BMP1: variants seen among roughly 807,000 people sequenced by gnomAD.
BMP1 encodes the protein bone morphogenetic protein 1.
BMP1 carries 63 observed loss-of-function variants against 116.8 expected under a neutral mutation model. The ratio of observed to expected loss-of-function variants is 0.54; its 90% CI spans 0.44 to 0.67. The LOEUF is 0.67. Ranked by LOEUF, BMP1 falls within the 30% of genes least tolerant of loss-of-function variation. The pLI, the probability that BMP1 is intolerant of heterozygous loss-of-function variation, is 0.00. For synonymous variants in BMP1, 536 were observed against 533.4 expected, an observed-to-expected ratio of 1.00 and a Z score of -0.07; for missense variants, 1,183 against 1,358.9, an observed-to-expected ratio of 0.87 and a Z score of 2.04.
rs774235911 is a variant in BMP1, at chr8:22,165,550, G to T, written c.145G>T (p.Ala49Ser). 1.3e-6 allele frequency: 2 copies of T among 1,579,180 alleles called. No individual in the cohort carries two copies. Among genetic ancestry groups the T allele is most frequent in the South Asian group, 2.3e-5 (2 of 86,998 alleles). The change falls in exon 1 of 20, where the codon GCG becomes TCG. Residue 49 changes from alanine (A) to serine (S), a missense_variant. By Grantham distance (99) the Ala-to-Ser change is moderately conservative. Transcript: ENST00000306385. The part of the protein sequence containing the change: ...EPLNYKDPCK[A>S]AAFLGDIALD... Reference sequence around the variant, plus strand: ...CCTCAACTACAAAGACCCCTGCAAGGCGGGTGAGCGCCCCCCGGCCCCCCG... The same window carrying T: ...CCTCAACTACAAAGACCCCTGCAAGTCGGGTGAGCGCCCCCCGGCCCCCCG...
At chr8:22,192,172 C>G in intron 9 of BMP1, 21 bp downstream of exon 9, 2 of 1,593,640 alleles carry the variant, frequency 1.3e-6, no homozygotes, top group Non-Finnish European at 1.7e-6. Context: ...CAGCCACCCC[C>G]TGCCCCCTCC....
chr8:22,187,328 A>ATTTATTT (rs1301858228), intron 8 of BMP1, among the ~76,000 whole-genome samples: 7 of 146,008 alleles, frequency 4.8e-5, no homozygotes, highest in African/African-American at 1.8e-4. Context: ...TTAATTAATT[A>ATTTATTT]ATTTATTTAT....
intron 14 of BMP1, 22 bp from the exon 15 acceptor site, chr8:22,197,218 C>T: frequency 1.3e-6 from 2 of 1,598,850 alleles, no homozygotes; most frequent in East Asian, 2.2e-5. Context: ...GGAGGCGGGC[C>T]TGGAGCTGGG....
At chr8:22,175,966 C>T (rs147086849) in intron 2 of BMP1, among the ~76,000 whole-genome samples, 177 bp from the exon 3 acceptor site, 1 of 152,290 alleles carries the variant, frequency 6.6e-6, no homozygotes, top group Non-Finnish European at 1.5e-5. Flanking sequence ...CACTGCTCTG[C>T]AAATGTCCAC....
chr8:22,202,067 C>T (rs1829276827), intron 16 of BMP1, 139 bp downstream of exon 16: 1 of 1,280,658 alleles, frequency 7.8e-7, no homozygotes, highest in Admixed American at 2.8e-5. Flanking sequence ...CCCCCACCCA[C>T]CTGGTACATA....
intron 1 of BMP1, chr8:22,170,946 G>A (rs139893574): frequency 2.0e-5 from 3 of 152,240 alleles, no homozygotes; most frequent in African/African-American, 7.2e-5. Context: ...AGAAAGAAAG[G>A]TATAACACAA....
At chr8:22,183,840 T>C (rs1345826550) in intron 8 of BMP1, among the ~76,000 whole-genome samples, 1 of 151,948 alleles carries the variant, frequency 6.6e-6, no homozygotes, top group Non-Finnish European at 1.5e-5. Flanking sequence ...CCTCCCAGAG[T>C]GCTGGGATTA....
chr8:22,182,199 A>G (rs1828641920), intron 8 of BMP1, among the ~76,000 whole-genome samples: 1 of 152,170 alleles, frequency 6.6e-6, no homozygotes, highest in Non-Finnish European at 1.5e-5. Flanking sequence ...TCGACATCTC[A>G]AGATCATTTT....
At chr8:22,177,688 C>T (rs1342561196) in intron 5 of BMP1, 164 bp from the exon 6 acceptor site, 1 of 767,094 alleles carries the variant, frequency 1.3e-6, no homozygotes, top group African/African-American at 1.7e-5. Context: ...TCCTGAGACC[C>T]TCCCCATTCC....
intron 19 of BMP1, among the ~76,000 whole-genome samples, chr8:22,209,952 G>A (rs78411003): frequency 6.6e-6 from 1 of 152,250 alleles, no homozygotes; most frequent in Admixed American, 6.5e-5. Context: ...ACCCAGGCCT[G>A]CCTCAGAACC....
rs1165457697 is a variant in BMP1 at position 22,177,117 on chromosome 8, C to T, written c.708C>T (p.Ile236=). 10 of 1,608,958 alleles carry T rather than the reference C, an allele frequency of 6.2e-6. No individual in the cohort carries two copies. Among genetic ancestry groups the T allele is most frequent in the Non-Finnish European group, 8.5e-6 (10 of 1,177,046 alleles). ...CAGACCGGGACCGCCACGTTTCCAT[C>T]GTTCGTGAGAACATCCAGCCAGGTA... ...TRPDRDRHVS[I]VRENIQPGQE... is the part of the protein sequence containing the mutation. Residue 236 remains isoleucine (I), a synonymous_variant, in exon 5 of 20, where the codon ATC becomes ATT. Transcript: ENST00000306385.
At chr8:22,192,186 C>T in intron 9 of BMP1, 35 bp downstream of exon 9, 1 of 1,560,904 alleles carries the variant, frequency 6.4e-7, no homozygotes, top group Non-Finnish European at 8.8e-7. Context: ...CCCCTCCATG[C>T]TGATTCCCTC....
At chr8:22,199,116 C>T (rs1829178350) in intron 15 of BMP1, 7 of 1,367,696 alleles carry the variant, frequency 5.1e-6, no homozygotes, top group Non-Finnish European at 6.8e-6. Context: ...CCGCCCCACC[C>T]TCAGCCCTGC....
At chr8:22,195,323 G>A (rs1829050621) in intron 12 of BMP1, 139 bp from the exon 13 acceptor site, 1 of 1,064,504 alleles carries the variant, frequency 9.4e-7, no homozygotes, top group South Asian at 1.7e-5. Context: ...CAGTCCATGT[G>A]CTCTGAAGGA....
rs1829426216 is a variant in BMP1 at position 22,209,666 on chromosome 8, C to G, written c.2797C>G (p.Pro933Ala). The change falls in exon 19 of 20, where the codon CCC becomes GCC. Residue 933 changes from proline (P) to alanine (A), a missense_variant. Transcript: ENST00000306385. ...ELFDGYDSTA[P>A]RLGRYCGSGP... ...CTTCGACGGCTACGACAGCACAGCC[C>G]CCAGGCTGGGGCGCTACTGTGGCTC... 1.9e-6 allele frequency: 3 copies of G among 1,614,068 alleles called. No homozygotes were observed. The highest frequency in any genetic ancestry group is 2.5e-6 in the Non-Finnish European group (3 of 1,179,996).
In BMP1 at chr8:22,192,171, C is replaced by G. The variant is rs1260102897; in HGVS notation, c.1180+20C>G. 3 of 1,593,100 alleles carry G rather than the reference C, an allele frequency of 1.9e-6. No homozygotes were observed. Among genetic ancestry groups the G allele is most frequent in the Admixed American group, 3.3e-5 (2 of 59,922 alleles). On this transcript the variant is annotated intron_variant, in intron 9 of 19. Coordinates refer to ENST00000306385, the MANE Select transcript of BMP1 (RefSeq NM_006129.5). Reference sequence around the variant, plus strand: ...TCCGAGGTAACGGCACCAGCCACCCCCTGCCCCCTCCATGCTGATTCCCTC... The same window carrying G: ...TCCGAGGTAACGGCACCAGCCACCCGCTGCCCCCTCCATGCTGATTCCCTC...
chr8:22,180,514 C>G, intron 8 of BMP1, 31 bp downstream of exon 8: 1 of 1,596,704 alleles, frequency 6.3e-7, no homozygotes, highest in East Asian at 2.2e-5. Flanking sequence ...TGAGCCTCCC[C>G]CTCCCCTGCG....
rs570556904 is a variant in BMP1 at position 22,196,534 on chromosome 8, G to A, written c.1766-146G>A. ...CAGGCCACCCTGCCTCCTCCCGTCC[G>A]CCCCAGAGGGACCAGACACAGGTCC... On this transcript the variant is annotated intron_variant, in intron 13 of 19. Transcript: ENST00000306385. 169 of 1,265,854 alleles carry A rather than the reference G, an allele frequency of 1.3e-4. 1 individual carries two copies. In the East Asian group the frequency reaches 3.0e-3, roughly 22 times the overall value. 78.4% of individuals were successfully genotyped at this position (1,265,854 alleles called of 1,614,324 possible).
At chr8:22,210,468 T>TCTTTCTCTCACACACA (rs10664439) in intron 19 of BMP1, among the ~76,000 whole-genome samples, 1 of 135,500 alleles carries the variant, frequency 7.4e-6, no homozygotes, top group Non-Finnish European at 1.5e-5. Context: ...TCTCTCTCTC[T>TCTTTCTCTCACACACA]CACACACATA....
Sources: gnomAD v4.1 joint callset for allele counts (sites outside exome capture counted in the v4.1 genomes callset) on GRCh38, gnomAD v4.1.1 for gene constraint, MANE v1.5 for transcripts, NCBI Gene and HGNC (gene_info 2026-07-23, HGNC 2026-07-21) for gene names.